STARD7: variants seen among roughly 807,000 people sequenced by gnomAD.
STARD7 encodes StAR related lipid transfer domain containing 7, also known as stAR-related lipid transfer protein 7, mitochondrial.
A neutral mutation model predicts 45.3 loss-of-function variants in STARD7; 30 were observed. The observed-to-expected ratio is 0.66, with a 90% CI of 0.50 to 0.90. STARD7 has a LOEUF of 0.90. Among genes scored for constraint, STARD7 ranks in the 40% least tolerant of loss-of-function variants. STARD7 has a pLI of 0.00. For synonymous variants in STARD7, 199 were observed against 183.0 expected (o/e 1.09, Z -0.70); for missense variants, 495 against 491.3 (o/e 1.01, Z -0.07).
chr2:96,190,118 C>A (rs1362280846), intron 6 of STARD7, among the ~76,000 whole-genome samples: 2 of 152,058 alleles, frequency 1.3e-5, no homozygotes, highest in Non-Finnish European at 2.9e-5. Flanking sequence ...CTAAAAGGAA[C>A]CAGGACTCCC....
intron 1 of STARD7, among the ~76,000 whole-genome samples, chr2:96,206,463 C>T (rs559189582): frequency 1.3e-5 from 2 of 152,152 alleles, no homozygotes; most frequent in South Asian, 4.2e-4. Flanking sequence ...GATATTTCAT[C>T]ATCAAAACTG....
At chr2:96,208,030 G>T in intron 1 of STARD7, 115 bp downstream of exon 1, 1 of 953,820 alleles carries the variant, frequency 1.0e-6, no homozygotes, top group Non-Finnish European at 1.5e-6. Flanking sequence ...TCAATCGACT[G>T]TATTGCCAAT....
chr2:96,205,265 G>A (rs927409247), intron 1 of STARD7, among the ~76,000 whole-genome samples: 5 of 152,178 alleles, frequency 3.3e-5, no homozygotes, highest in African/African-American at 9.7e-5. Context: ...TTAATAAGAC[G>A]CTATTTGGTA....
intron 1 of STARD7, among the ~76,000 whole-genome samples, chr2:96,201,470 C>G (rs1438183010): frequency 5.3e-5 from 8 of 151,222 alleles, no homozygotes; most frequent in African/African-American, 1.5e-4. Flanking sequence ...CAGCTGTAGT[C>G]CCAGCTACTG....
Position 96,186,038 on chromosome 2 carries a change from G to A in STARD7, c.*692C>T, listed in dbSNP as rs914125718. On this transcript the variant is annotated 3_prime_UTR_variant, in exon 8 of 8. Coordinates refer to ENST00000337288, the MANE Select transcript of STARD7 (RefSeq NM_020151.4). ...AGGAAACTTGCTTTGGATAAGGTGA[G>A]TCAATGGGTGATATTGTGCAGGCAG... 5.9e-5 allele frequency: 9 copies of A among 152,106 alleles called. No homozygotes were observed. Among genetic ancestry groups the A allele is most frequent in the African/African-American group, 1.7e-4 (7 of 41,412 alleles). 9.4% of individuals were successfully genotyped at this position (152,106 alleles called of 1,614,324 possible). A position where few individuals can be genotyped will look rare whatever the true frequency, so the allele number is the denominator to read the frequency against.
chr2:96,198,573 TTA>T (rs1041268606), intron 1 of STARD7, among the ~76,000 whole-genome samples: 3 of 152,262 alleles, frequency 2.0e-5, no homozygotes, highest in African/African-American at 7.2e-5. Context: ...TCCATCTTTG[TTA>T]TTCCAGCCAA....
chr2:96,193,154 T>A lies in STARD7; in HGVS notation c.667A>T (p.Met223Leu), dbSNP rs1374702843. The A allele has an allele frequency of 1.2e-6, 2 of 1,610,964 alleles. No individual in the cohort carries two copies. Among genetic ancestry groups the A allele is most frequent in the African/African-American group, 1.3e-5 (1 of 75,000 alleles). ...ACATAAACATAATCCCGTGAGTACA[T>A]TGGATACTAAAGAAATGGAGGAGCA... is the stretch of plus-strand genomic sequence containing the variant. ...LHWVTHFPYPMYSRDYVYVRR... is the reference protein window; with the variant it reads ...LHWVTHFPYPLYSRDYVYVRR... Residue 223 changes from methionine to leucine, a missense_variant, in exon 5 of 8, where the codon ATG (methionine) becomes TTG (leucine). Physicochemically the swap from Met to Leu is conservative, Grantham distance 15. Transcript: ENST00000337288.
intron 1 of STARD7, among the ~76,000 whole-genome samples, chr2:96,197,358 T>G (rs1683237861): frequency 6.6e-6 from 1 of 151,938 alleles, no homozygotes; most frequent in Non-Finnish European, 1.5e-5. Context: ...TGAGCCAAGA[T>G]CGCACCATTG....
rs996610569 is a variant in STARD7, at chr2:96,208,628, C to T, written c.-194G>A. On this transcript the variant is annotated 5_prime_UTR_variant, in exon 1 of 8. It removes an upstream start codon present in the reference 5' UTR. Transcript: ENST00000337288. Reference sequence around the variant, plus strand: ...AGTCTCCTCTGAGGGGAGAGTCGGTCATGGCAGCAGACGCCGGGATGGCTC... The same window carrying T: ...AGTCTCCTCTGAGGGGAGAGTCGGTTATGGCAGCAGACGCCGGGATGGCTC... The T allele has an allele frequency of 6.2e-6, 3 of 483,818 alleles. No individual in the cohort carries two copies. Among genetic ancestry groups the T allele is most frequent in the African/African-American group, 4.1e-5 (2 of 49,268 alleles). 30.0% of individuals were successfully genotyped at this position (483,818 alleles called of 1,614,324 possible).
Position 96,208,580 on chromosome 2 carries a change from C to T in STARD7, c.-146G>A, listed in dbSNP as rs1044347553. 4.7e-6 allele frequency: 3 copies of T among 633,760 alleles called. No homozygotes were observed. The African/African-American group carries it at 5.8e-5, about 12-fold the overall frequency. The allele number at this position is 633,760 out of a possible 1,614,324, so 39.3% of individuals were successfully genotyped here. A position where few individuals can be genotyped will look rare whatever the true frequency, so the allele number is the denominator to read the frequency against. On this transcript the variant is annotated 5_prime_UTR_variant, in exon 1 of 8. Transcript: ENST00000337288. Reference sequence around the variant, plus strand: ...CGGCCAGGAGCCGCCGCTCATCTGTCTCTGCAGCCACCGCTGAGGAAGAGT... The same window carrying T: ...CGGCCAGGAGCCGCCGCTCATCTGTTTCTGCAGCCACCGCTGAGGAAGAGT...
chr2:96,204,120 G>C (rs555046376), intron 1 of STARD7, among the ~76,000 whole-genome samples: 5 of 151,946 alleles, frequency 3.3e-5, no homozygotes, highest in African/African-American at 1.2e-4. Flanking sequence ...TTAAACAGGC[G>C]TGGTGGCACC....
intron 6 of STARD7, 157 bp from the exon 7 acceptor site, chr2:96,187,458 GACT>G (rs1683054661): frequency 3.5e-6 from 2 of 573,908 alleles, no homozygotes; most frequent in African/African-American, 1.9e-5. Context: ...AGGCCTGAGA[GACT>G]ACTATCTATA....
Position 96,188,554 on chromosome 2 carries a change from C to T in STARD7, c.844-1253G>A, listed in dbSNP as rs558473725. 3.3e-5 allele frequency among the ~76,000 whole-genome samples: 5 copies of T among 151,242 alleles called. No individual in the cohort carries two copies. In the South Asian group the frequency reaches 6.3e-4, roughly 19 times the overall value. On this transcript the variant is annotated intron_variant, in intron 6 of 7. Transcript: ENST00000337288. The stretch of plus-strand genomic sequence containing the variant: ...CCTCCCAAAGTGCTGGGATTACAAG[C>T]GTGTGCCACTGCACCCAGCCAAGAC...
At chr2:96,200,514 A>C (rs1462322656) in intron 1 of STARD7, among the ~76,000 whole-genome samples, 4 of 152,218 alleles carry the variant, frequency 2.6e-5, no homozygotes, top group African/African-American at 7.2e-5. Context: ...CTTGGGGAAA[A>C]ATAAGAATAC....
chr2:96,201,503 A>G (rs1226037342), intron 1 of STARD7, among the ~76,000 whole-genome samples: 2 of 151,270 alleles, frequency 1.3e-5, no homozygotes, highest in Non-Finnish European at 2.9e-5. Context: ...TGGGAGAATC[A>G]CCTGAGCCCT....
chr2:96,199,930 G>T lies in STARD7; in HGVS notation c.291-4381C>A, dbSNP rs576737477. Reference sequence around the variant, plus strand: ...TTATTCAGATGATCACGCAGTTTTTGTCCTTTTTTCTATTAATATGGTGTA... The same window carrying T: ...TTATTCAGATGATCACGCAGTTTTTTTCCTTTTTTCTATTAATATGGTGTA... On this transcript the variant is annotated intron_variant, in intron 1 of 7. Transcript: ENST00000337288. 3.1e-4 allele frequency among the ~76,000 whole-genome samples: 47 copies of T among 152,226 alleles called. No homozygotes were observed. In the East Asian group the frequency reaches 7.7e-3, roughly 25 times the overall value.
intron 2 of STARD7, 145 bp from the exon 3 acceptor site, chr2:96,195,152 G>A (rs1683182538): frequency 3.6e-6 from 3 of 832,330 alleles, no homozygotes; most frequent in Non-Finnish European, 5.7e-6. Flanking sequence ...GAGCAACAAA[G>A]AAAGACAAAG....
At chr2:96,190,331 G>GT (rs145753233) in intron 6 of STARD7, among the ~76,000 whole-genome samples, 3,282 of 148,024 alleles carry the variant, frequency 0.022, 67 homozygotes, top group Admixed American at 0.062. Context: ...ATTTAAGTCT[G>GT]TGTCTTTTTT....
chr2:96,193,105 T>C lies in STARD7; in HGVS notation c.716A>G (p.Glu239Gly). 6.2e-7 allele frequency: 1 copy of C among 1,613,712 alleles called. No individual in the cohort carries two copies. The highest frequency in any genetic ancestry group is 8.5e-7 in the Non-Finnish European group (1 of 1,179,712). Residue 239 changes from glutamate (E) to glycine (G), a missense_variant, in exon 5 of 8, where the codon GAA becomes GGA. By Grantham distance (98) the Glu-to-Gly change is moderately conservative. This residue lies in a region of STARD7 where 213 missense variants were observed against 271.2 expected (regional missense o/e 0.79). Transcript: ENST00000337288. ...VYVRRYSVDQ[E>G]NNMMVLVSRA... Reference sequence around the variant, plus strand: ...CGACACCAACACCATCATGTTGTTTTCCTGATCCACACTATACCGCCGAAC... The same window carrying C: ...CGACACCAACACCATCATGTTGTTTCCCTGATCCACACTATACCGCCGAAC...
Sources: allele counts gnomAD v4.1 joint callset (sites outside exome capture counted in the v4.1 genomes callset), GRCh38; gene constraint gnomAD v4.1.1; regional missense constraint gnomAD v4.1.1; transcripts MANE v1.5; gene names NCBI Gene and HGNC (gene_info 2026-07-23, HGNC 2026-07-21).